The following DLG4 variants were observed in gnomAD, a reference collection of about 807,000 sequenced individuals.
DLG4 encodes the protein discs large MAGUK scaffold protein 4.
DLG4 carries 7 observed loss-of-function variants against 93.8 expected under a neutral mutation model. The ratio of observed to expected loss-of-function variants is 0.07; its 90% CI spans 0.04 to 0.14. The LOEUF (loss-of-function observed/expected upper bound fraction) is 0.14, where lower values mean the gene tolerates loss of function less well. DLG4 is among the 10% of genes least tolerant of loss of function. The pLI, the probability that DLG4 is intolerant of heterozygous loss-of-function variation, is 1.00. For synonymous variants in DLG4, 341 were observed against 387.6 expected (o/e 0.88, Z 1.41); for missense variants, 545 against 992.9 (o/e 0.55, Z 6.06).
chr17:7,195,157 G>A lies in DLG4; in HGVS notation c.1302-662C>T, dbSNP rs2069709392. Among the ~76,000 whole-genome samples, 1 of 152,166 alleles carries A rather than the reference G, an allele frequency of 6.6e-6. No homozygotes were observed. The highest frequency in any genetic ancestry group is 2.1e-4 in the South Asian group (1 of 4,828). ...AAAATGTCCCGTGTTTCCAAATAAT[G>A]GTTACCCTTACCAGTATCAAATTTC... is the stretch of plus-strand genomic sequence containing the variant. On this transcript the variant is annotated intron_variant, in intron 11 of 19. Coordinates refer to ENST00000399506, the MANE Select transcript of DLG4 (RefSeq NM_001321075.3). This position sits in a 1 kb window ranked among gnomAD's most constrained non-coding sequence, Gnocchi z 4.3.
At position 7,193,122 on chromosome 17, in the gene DLG4, C is replaced by CA. The variant is rs1168134800; in HGVS notation, c.1694-6dup. ...CCCGCTTGGGCCGTGTCGTATCTGCCAGGAAGTCACCCCACCCCCCAAAGA... is the reference window on the plus strand; with the variant it reads ...CCCGCTTGGGCCGTGTCGTATCTGCCAAGGAAGTCACCCCACCCCCCAAAGA... On this transcript the variant is annotated splice_polypyrimidine_tract_variant and splice_region_variant and intron_variant, in intron 16 of 19. Coordinates refer to ENST00000399506, the MANE Select transcript of DLG4 (RefSeq NM_001321075.3). This position sits in a 1 kb window ranked among gnomAD's most constrained non-coding sequence, Gnocchi z 6.7. 1.2e-6 allele frequency: 2 copies of CA among 1,613,320 alleles called. No individual in the cohort carries two copies. Among genetic ancestry groups the CA allele is most frequent in the African/African-American group, 2.7e-5 (2 of 74,876 alleles).
intron 1 of DLG4, among the ~76,000 whole-genome samples, chr17:7,215,563 G>A (rs971653560): frequency 6.6e-6 from 1 of 152,164 alleles, no homozygotes; most frequent in Admixed American, 6.5e-5. Flanking sequence ...CAGAGAAACT[G>A]AGGCATAAAA....
chr17:7,187,970 T>A lies in DLG4; in HGVS notation c.*2738A>T, dbSNP rs1330201654. Among the ~76,000 whole-genome samples, 1 of 151,544 alleles carries A rather than the reference T, an allele frequency of 6.6e-6. No homozygotes were observed. The highest frequency in any genetic ancestry group is 1.5e-5 in the Non-Finnish European group (1 of 67,962). On this transcript the variant is annotated 3_prime_UTR_variant, in exon 20 of 20. Coordinates refer to ENST00000399506, the MANE Select transcript of DLG4 (RefSeq NM_001321075.3). Reference sequence around the variant, plus strand: ...CTGTAATCCCAGCTACTTGGGAAGCTGAGGCAGGAGAATCACTTGAACCCT... The same window carrying A: ...CTGTAATCCCAGCTACTTGGGAAGCAGAGGCAGGAGAATCACTTGAACCCT...
chr17:7,219,823 C>T (rs1262480100), upstream of DLG4: 5 of 1,533,222 alleles, frequency 3.3e-6, no homozygotes, highest in Admixed American at 2.0e-5. Flanking sequence ...CAGGGCCGGG[C>T]TCCAGGGAAC....
chr17:7,218,970 C>T (rs572339906), upstream of DLG4: 19 of 1,044,688 alleles, frequency 1.8e-5, no homozygotes, highest in East Asian at 1.5e-4. Context: ...CTGTCCCATT[C>T]CCCCAGGTCC....
upstream of DLG4, chr17:7,219,802 T>C: frequency 1.3e-6 from 2 of 1,524,536 alleles, no homozygotes; most frequent in Middle Eastern, 3.4e-4. Context: ...TCCCTCTAAG[T>C]CAGCGGAACG....
In DLG4 at chr17:7,213,079, T is replaced by TTTTC. The variant is rs201759025; in HGVS notation, c.30+4035_30+4038dup. Among the ~76,000 whole-genome samples the TTTTC allele has an allele frequency of 6.0e-4, 72 of 120,632 alleles. 1 individual carries two copies. The highest frequency in any genetic ancestry group is 1.9e-3 in the African/African-American group (64 of 32,916). The allele number at this position is 120,632 out of a possible 152,430, so 79.1% of individuals were successfully genotyped here. A position where few individuals can be genotyped will look rare whatever the true frequency, so the allele number is the denominator to read the frequency against. On this transcript the variant is annotated intron_variant, in intron 1 of 19. Transcript: ENST00000399506. ...TAAAAGTATTTTCCTTTTCCTTTTCTTTTCTTTCTTTCTTTCTTTTTTTTT... is the reference window on the plus strand; with the variant it reads ...TAAAAGTATTTTCCTTTTCCTTTTCTTTTCTTTCTTTCTTTCTTTCTTTTTTTTT...
rs2069783495 is a variant in DLG4, at chr17:7,196,382, C to T, written c.1187-48G>A. 6.2e-7 allele frequency: 1 copy of T among 1,609,560 alleles called. No homozygotes were observed. The highest frequency in any genetic ancestry group is 1.3e-5 in the African/African-American group (1 of 74,826). The stretch of plus-strand genomic sequence containing the variant: ...CTGAGCTCTGTCCCCATCCTACTGT[C>T]ACCCCTGTCCTCCCCTACTGAAGCC... On this transcript the variant is annotated intron_variant, in intron 10 of 19. Transcript: ENST00000399506. The surrounding 1 kb of genome is among the most constrained non-coding windows in gnomAD (Gnocchi z 8.3).
At position 7,189,141 on chromosome 17, in the gene DLG4, G is replaced by A. The variant is rs1049199847; in HGVS notation, c.*1567C>T. On this transcript the variant is annotated 3_prime_UTR_variant, in exon 20 of 20. Transcript: ENST00000399506. ...AAAAAAAAAAAAGGGTGGGGGGGGCGCATAAAGAAACCTAGCGTATATTCA... is the reference window on the plus strand; with the variant it reads ...AAAAAAAAAAAAGGGTGGGGGGGGCACATAAAGAAACCTAGCGTATATTCA... 3.4e-5 allele frequency among the ~76,000 whole-genome samples: 5 copies of A among 147,160 alleles called. No homozygotes were observed. Among genetic ancestry groups the A allele is most frequent in the Non-Finnish European group, 6.0e-5 (4 of 67,054 alleles).
rs770134306 is a variant in DLG4 at position 7,204,072 on chromosome 17, AC to A, written c.151-6del. On this transcript the variant is annotated splice_region_variant and splice_polypyrimidine_tract_variant and intron_variant, in intron 3 of 19. Transcript: ENST00000399506. Reference sequence around the variant, plus strand: ...GGTCCCGTTCACCTGCAACTCCAGCACGGGACAGAAACACAAAAGCAGTGAG... The same window carrying A: ...GGTCCCGTTCACCTGCAACTCCAGCAGGGACAGAAACACAAAAGCAGTGAG... 9 of 1,607,618 alleles carry A rather than the reference AC, an allele frequency of 5.6e-6. No homozygotes were observed. The African/African-American group carries it at 1.2e-4, about 21-fold the overall frequency.
At chr17:7,197,848 T>C (rs898360452) in intron 8 of DLG4, among the ~76,000 whole-genome samples, 22 of 152,206 alleles carry the variant, frequency 1.4e-4, no homozygotes, top group Non-Finnish European at 2.8e-4. Context: ...AGCCTATGCC[T>C]CTGCCCCTGT....
In DLG4 at chr17:7,193,540, G is replaced by A. The variant is rs761648469; in HGVS notation, c.1636C>T (p.Arg546Cys). The change falls in exon 16 of 20, where the codon CGC becomes TGC. Residue 546 changes from arginine (R) to cysteine (C), a missense_variant. Arg to Cys is a radical substitution (Grantham distance 180). Around this residue, in one of 5 missense-constraint regions of DLG4, gnomAD observed 428 missense variants for 741.4 expected, o/e 0.58. Coordinates refer to ENST00000399506, the MANE Select transcript of DLG4 (RefSeq NM_001321075.3). The surrounding 1 kb of genome is among the most constrained non-coding windows in gnomAD (Gnocchi z 6.7). ...TCGGAGAGAAGATCATCGTTGGCGC[G>A]GTCCTTGGTGGGCCCAAGGATGATG... ...PIIILGPTKD[R>C]ANDDLLSEFP... 9 of 1,534,322 alleles carry A rather than the reference G, an allele frequency of 5.9e-6. No individual in the cohort carries two copies. Among genetic ancestry groups the A allele is most frequent in the African/African-American group, 2.8e-5 (2 of 71,876 alleles).
chr17:7,199,322 C>T (rs1176421329), intron 8 of DLG4, among the ~76,000 whole-genome samples: 1 of 152,042 alleles, frequency 6.6e-6, no homozygotes, highest in Non-Finnish European at 1.5e-5. Context: ...ACCTCAACCT[C>T]TCCAGCAGCT....
upstream of DLG4, chr17:7,218,998 C>A: frequency 1.3e-6 from 1 of 786,898 alleles, no homozygotes; most frequent in Non-Finnish European, 2.1e-6. Context: ...CCAGCACCGC[C>A]ACCATCTTGC....
At chr17:7,217,671 A>AT (rs1474921939), upstream of DLG4, 3 of 1,210,612 alleles carry the variant, frequency 2.5e-6, no homozygotes, top group Non-Finnish European at 1.1e-6. Flanking sequence ...AGGAGCCAGA[A>AT]TGGGGGGGGT....
At chr17:7,213,889 G>A (rs780522565) in intron 1 of DLG4, 1 of 470,942 alleles carries the variant, frequency 2.1e-6, no homozygotes, top group Non-Finnish European at 4.4e-6. Flanking sequence ...TGGTAGGAAG[G>A]CTTGGATCAC....
At position 7,191,725 on chromosome 17, in the gene DLG4, G is replaced by A; in HGVS notation, c.1976+168C>T. 5.3e-6 allele frequency: 3 copies of A among 568,134 alleles called. No individual in the cohort carries two copies. The highest frequency in any genetic ancestry group is 3.0e-5 in the South Asian group (1 of 33,682). 35.2% of individuals were successfully genotyped at this position (568,134 alleles called of 1,614,324 possible). On this transcript the variant is annotated intron_variant, in intron 18 of 19. Coordinates refer to ENST00000399506, the MANE Select transcript of DLG4 (RefSeq NM_001321075.3). This position sits in a 1 kb window ranked among gnomAD's most constrained non-coding sequence, Gnocchi z 6.6. ...CTGTCTAGCCAAGGCAGGAGAGGAG[G>A]GGAAAGACCCGATTCCCCCACATCC...
intron 2 of DLG4, among the ~76,000 whole-genome samples, chr17:7,207,216 T>C (rs548550975): frequency 2.0e-5 from 3 of 148,052 alleles, no homozygotes; most frequent in African/African-American, 7.5e-5. Context: ...AGAGGGAACA[T>C]GGGAAAGGGG....
chr17:7,202,179 C>T (rs1158793336), intron 8 of DLG4, among the ~76,000 whole-genome samples: 1 of 152,180 alleles, frequency 6.6e-6, no homozygotes, highest in Non-Finnish European at 1.5e-5. Context: ...TCGGCTCAAG[C>T]GATCCTCCAG....
Sources: allele counts gnomAD v4.1 joint callset (sites outside exome capture counted in the v4.1 genomes callset), GRCh38; gene constraint gnomAD v4.1.1; regional missense constraint gnomAD v4.1.1; non-coding constraint Gnocchi (gnomAD v3.1); transcripts MANE v1.5; gene names NCBI Gene and HGNC (gene_info 2026-07-23, HGNC 2026-07-21).